PCNX1: variants seen among roughly 807,000 people sequenced by gnomAD.
The protein encoded by PCNX1 is pecanex-like protein 1.
Under a neutral mutation model 242.2 loss-of-function variants are expected in PCNX1, and 78 were observed. That is an observed-to-expected ratio of 0.32 (90% CI 0.27 to 0.39). The LOEUF (loss-of-function observed/expected upper bound fraction) is 0.39, where lower values mean the gene tolerates loss of function less well. Ranked by LOEUF, PCNX1 falls within the 10% of genes least tolerant of loss-of-function variation. The pLI is 1.00. For synonymous variants in PCNX1, 1,024 were observed against 1,032.9 expected (o/e 0.99, Z 0.17); for missense variants, 2,581 against 2,856.5 (o/e 0.90, Z 2.20).
intron 26 of PCNX1, among the ~76,000 whole-genome samples, chr14:71,062,084 T>C (rs546489052): frequency 6.6e-6 from 1 of 152,312 alleles, no homozygotes; most frequent in Admixed American, 6.5e-5. Flanking sequence ...TGCTGCATTA[T>C]CTGCATACAA....
rs140886679 is a variant in PCNX1, at chr14:71,085,924, C to T, written c.5338-2406C>T. Reference sequence around the variant, plus strand: ...AAATAGTTTTTTCTGTTTTCCTCTACGCCTTTTGCAGGAACTCCAATTATA... The same window carrying T: ...AAATAGTTTTTTCTGTTTTCCTCTATGCCTTTTGCAGGAACTCCAATTATA... On this transcript the variant is annotated intron_variant, in intron 28 of 35. Coordinates refer to ENST00000304743, the MANE Select transcript of PCNX1 (RefSeq NM_014982.3). The T allele has an allele frequency of 3.4e-4, 55 of 163,506 alleles. No individual in the cohort carries two copies. The East Asian group carries it at 8.5e-3, about 25-fold the overall frequency. The allele number at this position is 163,506 out of a possible 1,614,324, so 10.1% of individuals were successfully genotyped here. A position where few individuals can be genotyped will look rare whatever the true frequency, so the allele number is the denominator to read the frequency against.
rs1400328068 is a variant in PCNX1 at position 70,947,102 on chromosome 14, G to C, written c.341G>C (p.Arg114Thr). Residue 114 changes from arginine (R) to threonine (T), a missense_variant, in exon 2 of 36, where the codon AGA becomes ACA. By Grantham distance (71) the Arg-to-Thr change is moderately conservative. Transcript: ENST00000304743. ...GAACAAGGCAACTGTTCAACCAGGA[G>C]AAAAGACAGCAATGGACCGAGGTAA... The part of the protein sequence containing the change: ...KAEQGNCSTR[R>T]KDSNGPSDPG... 6.2e-7 allele frequency: 1 copy of C among 1,611,616 alleles called. No individual in the cohort carries two copies. Among genetic ancestry groups the C allele is most frequent in the East Asian group, 2.2e-5 (1 of 44,804 alleles).
chr14:70,993,245 C>T (rs1389227286), intron 7 of PCNX1, among the ~76,000 whole-genome samples: 1 of 151,438 alleles, frequency 6.6e-6, no homozygotes, highest in Non-Finnish European at 1.5e-5. Flanking sequence ...CTCAGCCTCC[C>T]TAGTAGCTGG....
At chr14:70,914,850 T>A (rs780172803) in intron 1 of PCNX1, among the ~76,000 whole-genome samples, 9 of 152,148 alleles carry the variant, frequency 5.9e-5, no homozygotes, top group Non-Finnish European at 1.2e-4. Flanking sequence ...ATTCGATGAG[T>A]TTTGATAAAT....
intron 12 of PCNX1, among the ~76,000 whole-genome samples, chr14:71,020,564 A>C (rs1383141223): frequency 6.6e-6 from 1 of 152,154 alleles, no homozygotes; most frequent in Non-Finnish European, 1.5e-5. Context: ...TTTGTCGGCC[A>C]CATAAATGTC....
chr14:70,972,268 G>C (rs535955081), intron 5 of PCNX1, among the ~76,000 whole-genome samples: 170 of 151,800 alleles, frequency 1.1e-3, no homozygotes, highest in African/African-American at 4.1e-3. Flanking sequence ...GAGAGCAAGG[G>C]GGGTAAGTTA....
chr14:71,088,363 ACT>A lies in PCNX1; in HGVS notation c.5376_5377del (p.Cys1793LeufsTer21). ...VDVDKDSSLV[T>X]LCYGLCVLGR... ...TGTGGACAAAGATTCATCCCTAGTGACTCTCTGTTATGGACTCTGTGTTCTGG... is the reference window on the plus strand; with the variant it reads ...TGTGGACAAAGATTCATCCCTAGTGACTCTGTTATGGACTCTGTGTTCTGG... On this transcript the variant is annotated frameshift_variant, in exon 29 of 36. Coordinates refer to ENST00000304743, the MANE Select transcript of PCNX1 (RefSeq NM_014982.3). LOFTEE classifies it high-confidence loss of function. 6.2e-7 allele frequency: 1 copy of A among 1,610,726 alleles called. No homozygotes were observed. Among genetic ancestry groups the A allele is most frequent in the Non-Finnish European group, 8.5e-7 (1 of 1,177,552 alleles).
At chr14:71,013,306 A>G (rs2059872969) in intron 11 of PCNX1, 104 bp downstream of exon 11, 2 of 918,758 alleles carry the variant, frequency 2.2e-6, no homozygotes, top group Middle Eastern at 4.3e-4. Context: ...ATGTTGGGAA[A>G]TGTTTTCTGG....
chr14:70,908,498 G>A (rs1397363244), intron 1 of PCNX1, among the ~76,000 whole-genome samples: 1 of 152,212 alleles, frequency 6.6e-6, no homozygotes, highest in African/African-American at 2.4e-5. Context: ...GCTAATCCGC[G>A]TGCGGAGCCC....
At position 71,108,836 on chromosome 14, in the gene PCNX1, A is replaced by G. The variant is rs1452892185; in HGVS notation, c.6534A>G (p.Ser2178=). The change falls in exon 34 of 36, where the codon TCA becomes TCG. Residue 2178 remains serine (S), a synonymous_variant. Coordinates refer to ENST00000304743, the MANE Select transcript of PCNX1 (RefSeq NM_014982.3). ...CGATGGTGAACCAAATGGAACCCTC[A>G]GGTCAGAGCGGCCTGGCCTGTGTGC... The part of the protein sequence containing the change: ...RLSMVNQMEP[S]GQSGLACVQH... 3 of 1,614,240 alleles carry G rather than the reference A, an allele frequency of 1.9e-6. No individual in the cohort carries two copies. Among genetic ancestry groups the G allele is most frequent in the Non-Finnish European group, 1.7e-6 (2 of 1,180,040 alleles).
At chr14:70,975,311 G>A (rs1236375148) in intron 5 of PCNX1, among the ~76,000 whole-genome samples, 1 of 148,118 alleles carries the variant, frequency 6.8e-6, no homozygotes, top group South Asian at 2.1e-4. Context: ...CGCAACTACA[G>A]TAGCAGCTGT....
chr14:71,017,473 T>C (rs1267817499), intron 11 of PCNX1, among the ~76,000 whole-genome samples: 1 of 152,092 alleles, frequency 6.6e-6, no homozygotes, highest in Non-Finnish European at 1.5e-5. Context: ...AATAAAGAAC[T>C]TGTAGCCTTA....
At chr14:70,964,987 C>T (rs942562615) in intron 3 of PCNX1, among the ~76,000 whole-genome samples, 4 of 152,160 alleles carry the variant, frequency 2.6e-5, no homozygotes, top group African/African-American at 4.8e-5. Flanking sequence ...CCATTATAGA[C>T]ATACTGTTGT....
chr14:71,048,054 T>G, intron 22 of PCNX1, 70 bp downstream of exon 22: 1 of 1,098,088 alleles, frequency 9.1e-7, no homozygotes, highest in Non-Finnish European at 1.3e-6. Flanking sequence ...CTAGTCAGAA[T>G]TTTTCTTATA....
In PCNX1 at chr14:70,977,223, A is replaced by G. The variant is rs1357519777; in HGVS notation, c.886A>G (p.Thr296Ala). 4 of 1,614,172 alleles carry G rather than the reference A, an allele frequency of 2.5e-6. No individual in the cohort carries two copies. The highest frequency in any genetic ancestry group is 2.2e-5 in the South Asian group (2 of 91,078). The change falls in exon 6 of 36, where the codon ACT becomes GCT. Residue 296 changes from threonine to alanine, a missense_variant. Around this residue, in one of 9 missense-constraint regions of PCNX1, gnomAD observed 1,204 missense variants for 1,216.7 expected, o/e 0.99. Coordinates refer to ENST00000304743, the MANE Select transcript of PCNX1 (RefSeq NM_014982.3). The part of the protein sequence containing the change: ...TSSSAVAFPD[T>A]SLNDFPLYQQ... ...TAGCTCTGCTGTGGCTTTTCCAGAC[A>G]CTTCACTGAATGATTTTCCCCTTTA...
rs574927383 is a variant in PCNX1 at position 70,996,415 on chromosome 14, C to G, written c.2629+490C>G. Among the ~76,000 whole-genome samples, 129 of 152,210 alleles carry G rather than the reference C, an allele frequency of 8.5e-4. 1 individual carries two copies. The highest frequency in any genetic ancestry group is 1.2e-3 in the Non-Finnish European group (80 of 67,968). Reference sequence around the variant, plus strand: ...TTTTATTTTAATTCAAAATACAGTACTCTAAGGACATCATGGCTCCGTACT... The same window carrying G: ...TTTTATTTTAATTCAAAATACAGTAGTCTAAGGACATCATGGCTCCGTACT... On this transcript the variant is annotated intron_variant, in intron 8 of 35. Coordinates refer to ENST00000304743, the MANE Select transcript of PCNX1 (RefSeq NM_014982.3).
Position 71,050,811 on chromosome 14 carries a change from A to G in PCNX1, c.4447+51A>G, listed in dbSNP as rs546918197. The G allele has an allele frequency of 2.2e-5, 33 of 1,529,726 alleles. No individual in the cohort carries two copies. In the South Asian group the frequency reaches 3.7e-4, roughly 17 times the overall value. The allele number at this position is 1,529,726 out of a possible 1,614,324, so 94.8% of individuals were successfully genotyped here. ...AGAATGGACAGTCATATCCTAGATA[A>G]GAATGTTGGTTTATAGGCATGACCT... is the stretch of plus-strand genomic sequence containing the variant. On this transcript the variant is annotated intron_variant, in intron 23 of 35. Coordinates refer to ENST00000304743, the MANE Select transcript of PCNX1 (RefSeq NM_014982.3).
intron 1 of PCNX1, among the ~76,000 whole-genome samples, chr14:70,912,280 C>T (rs1057390428): frequency 2.6e-5 from 4 of 152,062 alleles, no homozygotes; most frequent in Non-Finnish European, 4.4e-5. Flanking sequence ...AAATTTATTA[C>T]GTAAGTGGTT....
At chr14:71,089,720 G>T (rs1359140844) in intron 30 of PCNX1, among the ~76,000 whole-genome samples, 2 of 152,160 alleles carry the variant, frequency 1.3e-5, no homozygotes, top group Non-Finnish European at 2.9e-5. Flanking sequence ...CAGGACACGT[G>T]GGGATTATGG....
Sources: gnomAD v4.1 joint callset for allele counts (sites outside exome capture counted in the v4.1 genomes callset) on GRCh38, gnomAD v4.1.1 for gene constraint, gnomAD v4.1.1 regional missense constraint, MANE v1.5 for transcripts, NCBI Gene and HGNC (gene_info 2026-07-23, HGNC 2026-07-21) for gene names.